ZMYM6: variants seen among roughly 807,000 people sequenced by gnomAD.
ZMYM6 encodes zinc finger MYM-type protein 6.
In ZMYM6, 90 loss-of-function variants were observed where a neutral mutation model predicts 134.0. The observed-to-expected ratio is 0.67, with a 90% confidence interval of 0.57 to 0.80. ZMYM6 has a LOEUF of 0.80. Ranked by LOEUF, ZMYM6 falls within the 30% of genes least tolerant of loss-of-function variation. The probability of loss-of-function intolerance (pLI) is 0.00; values close to 1 mark genes in which losing one functional copy is unlikely to be tolerated. For synonymous variants in ZMYM6, 481 were observed against 524.1 expected (o/e 0.92, Z 1.12); for missense variants, 1,362 against 1,533.9 (o/e 0.89, Z 1.87).
chr1:34,987,788 T>C lies in ZMYM6; in HGVS notation c.3294A>G (p.Ser1098=). The change falls in exon 16 of 16, where the codon TCA becomes TCG. Residue 1098 remains serine (S), a synonymous_variant. Coordinates refer to ENST00000357182, the MANE Select transcript of ZMYM6 (RefSeq NM_007167.4). The stretch of plus-strand genomic sequence containing the variant: ...CATCATGAAAATACTTGGCCAAATC[T>C]GAATGCTTTTGACTTAAAAATATTT... The part of the protein sequence containing the change: ...EIEIFLSQKH[S]DLAKYFHDEE... 1 of 1,551,486 alleles carries C rather than the reference T, an allele frequency of 6.4e-7. No homozygotes were observed. Among genetic ancestry groups the C allele is most frequent in the East Asian group, 2.4e-5 (1 of 40,912 alleles).
chr1:35,020,466 T>G lies in ZMYM6; in HGVS notation c.95A>C (p.Glu32Ala), dbSNP rs1474415545. 1 of 1,562,292 alleles carries G rather than the reference T, an allele frequency of 6.4e-7. No individual in the cohort carries two copies. Among genetic ancestry groups the G allele is most frequent in the South Asian group, 1.2e-5 (1 of 85,064 alleles). The change falls in exon 3 of 16, where the codon GAG becomes GCG. Residue 32 changes from glutamate (E) to alanine (A), a missense_variant and splice_region_variant. Coordinates refer to ENST00000357182, the MANE Select transcript of ZMYM6 (RefSeq NM_007167.4). ...KIKEEPDNAQ[E>A]YGCVQQPKTQ... Reference sequence around the variant, plus strand: ...TTTTGGCTGTTGGACACATCCATACTCCTTTAAAAAAAAAAAGAAAAGAGA... The same window carrying G: ...TTTTGGCTGTTGGACACATCCATACGCCTTTAAAAAAAAAAAGAAAAGAGA...
At chr1:35,031,441 T>C (rs1433703583) in intron 1 of ZMYM6, 2 of 152,264 alleles carry the variant, frequency 1.3e-5, no homozygotes, top group Admixed American at 6.5e-5. Context: ...CTCTTCAAAG[T>C]TGTCTTTATC....
chr1:34,995,880 C>G (rs945253102), intron 14 of ZMYM6, among the ~76,000 whole-genome samples: 6 of 152,168 alleles, frequency 3.9e-5, no homozygotes, highest in Non-Finnish European at 5.9e-5. Context: ...GAACCTTGCT[C>G]TTGTCACTTA....
intron 2 of ZMYM6, among the ~76,000 whole-genome samples, chr1:35,026,499 A>G (rs917097279): frequency 2.6e-5 from 4 of 152,216 alleles, no homozygotes; most frequent in African/African-American, 4.8e-5. Flanking sequence ...TCATGAAAAA[A>G]TATAGCCTAT....
At chr1:35,017,871 G>A (rs992601060) in intron 4 of ZMYM6, 3 of 152,048 alleles carry the variant, frequency 2.0e-5, no homozygotes, top group African/African-American at 7.2e-5. Flanking sequence ...GGATGTATAA[G>A]TTGTGTTATG....
chr1:35,027,364 G>A (rs911429143), intron 2 of ZMYM6, among the ~76,000 whole-genome samples: 5 of 152,192 alleles, frequency 3.3e-5, no homozygotes, highest in Non-Finnish European at 7.3e-5. Context: ...GATCTATACA[G>A]TACAATGGCA....
At chr1:35,002,921 A>C (rs1198980773) in intron 14 of ZMYM6, among the ~76,000 whole-genome samples, 1 of 152,094 alleles carries the variant, frequency 6.6e-6, no homozygotes, top group East Asian at 1.9e-4. Flanking sequence ...GCCTGTAATC[A>C]CAACAGCTTG....
chr1:35,006,202 T>C (rs1640963240), intron 12 of ZMYM6, among the ~76,000 whole-genome samples: 2 of 152,290 alleles, frequency 1.3e-5, no homozygotes, highest in East Asian at 1.9e-4. Context: ...GAGATGGGGT[T>C]TCACCATGTT....
chr1:35,020,101 C>T lies in ZMYM6; in HGVS notation c.178+282G>A, dbSNP rs1641278241. 3.9e-5 allele frequency among the ~76,000 whole-genome samples: 6 copies of T among 152,018 alleles called. No homozygotes were observed. In the South Asian group the frequency reaches 1.2e-3, roughly 31 times the overall value. ...AAGAAATACATTTAATATTATAACC[C>T]AGTTCTCACATACATATGTTTGTAA... On this transcript the variant is annotated intron_variant, in intron 3 of 15. Coordinates refer to ENST00000357182, the MANE Select transcript of ZMYM6 (RefSeq NM_007167.4).
intron 15 of ZMYM6, among the ~76,000 whole-genome samples, chr1:34,990,498 C>CA (rs904403887): frequency 4.0e-5 from 6 of 149,964 alleles, no homozygotes; most frequent in South Asian, 2.1e-4. Context: ...CAAAAACAAA[C>CA]AAAAAAAAAG....
chr1:35,030,793 G>A (rs1446475531), intron 1 of ZMYM6, 80 bp from the exon 2 acceptor site: 2 of 685,148 alleles, frequency 2.9e-6, no homozygotes, highest in Admixed American at 7.0e-5. Context: ...AGTGCATGAG[G>A]CTTCACGGCT....
Position 34,988,207 on chromosome 1 carries a change from C to T in ZMYM6, c.2875G>A (p.Glu959Lys). The T allele has an allele frequency of 6.5e-7, 1 of 1,548,052 alleles. No homozygotes were observed. Among genetic ancestry groups the T allele is most frequent in the East Asian group, 2.4e-5 (1 of 40,902 alleles). The change falls in exon 16 of 16, where the codon GAA becomes AAA. Residue 959 changes from glutamate to lysine, a missense_variant. Coordinates refer to ENST00000357182, the MANE Select transcript of ZMYM6 (RefSeq NM_007167.4). ...PTQITGFEIF[E>K]LINKYIDSKS... ...CTATCAATATATTTATTTATTAGTT[C>T]AAATATTTCAAAGCCAGTTATTTGA...
intron 14 of ZMYM6, among the ~76,000 whole-genome samples, chr1:35,000,570 C>T (rs985023312): frequency 2.0e-5 from 3 of 152,004 alleles, no homozygotes; most frequent in Non-Finnish European, 4.4e-5. Flanking sequence ...AACCTGGAAA[C>T]GATCTAATGT....
chr1:35,029,140 CA>C (rs1401294411), intron 2 of ZMYM6, among the ~76,000 whole-genome samples: 1 of 152,050 alleles, frequency 6.6e-6, no homozygotes, highest in Non-Finnish European at 1.5e-5. Context: ...TGCAGTGAGC[CA>C]CCAAGATTAC....
intron 4 of ZMYM6, among the ~76,000 whole-genome samples, chr1:35,015,951 T>C (rs529266737): frequency 0.21 from 29,383 of 142,986 alleles, 7,093 homozygotes; most frequent in African/African-American, 0.58. Context: ...CTTTCTTTTT[T>C]TTTTTTTTTT....
intron 14 of ZMYM6, among the ~76,000 whole-genome samples, chr1:35,000,935 C>A (rs946340123): frequency 6.6e-6 from 1 of 152,098 alleles, no homozygotes; most frequent in African/African-American, 2.4e-5. Flanking sequence ...CAAACTATGG[C>A]CTGTGCACCA....
intron 2 of ZMYM6, among the ~76,000 whole-genome samples, chr1:35,026,177 C>T (rs575350510): frequency 6.6e-6 from 1 of 152,154 alleles, no homozygotes; most frequent in South Asian, 2.1e-4. Context: ...CCCACCACCG[C>T]GCCCGGCTAA....
chr1:35,020,387 A>G lies in ZMYM6; in HGVS notation c.174T>C (p.Pro58=). Residue 58 remains proline (P), a synonymous_variant, in exon 3 of 16, where the codon CCT becomes CCC. Transcript: ENST00000357182. ...TTATACAGTTCCATTTCTTACCAAT[A>G]GGTCTCTCATTAACTGAAGACACAC... The part of the protein sequence containing the change: ...IGGVSSVNER[P]IAQQLNPGFQ... 6.2e-7 allele frequency: 1 copy of G among 1,605,026 alleles called. No individual in the cohort carries two copies. Among genetic ancestry groups the G allele is most frequent in the Non-Finnish European group, 8.5e-7 (1 of 1,177,286 alleles).
Position 35,008,860 on chromosome 1 carries a change from G to A in ZMYM6, c.1557C>T (p.Ser519=), listed in dbSNP as rs1187047138. The change falls in exon 11 of 16, where the codon AGC becomes AGT. Residue 519 remains serine, a synonymous_variant. Coordinates refer to ENST00000357182, the MANE Select transcript of ZMYM6 (RefSeq NM_007167.4). ...ERWGNYCKMC[S]YCSQTSPNLV... Reference sequence around the variant, plus strand: ...AATTTGGGGATGTCTGTGAACAGTAGCTGCACATCTTACAGTAGTTTCCCC... The same window carrying A: ...AATTTGGGGATGTCTGTGAACAGTAACTGCACATCTTACAGTAGTTTCCCC... 12 of 1,614,128 alleles carry A rather than the reference G, an allele frequency of 7.4e-6. No individual in the cohort carries two copies. The highest frequency in any genetic ancestry group is 1.6e-4 in the Middle Eastern group (1 of 6,062).
Sources: allele counts gnomAD v4.1 joint callset (sites outside exome capture counted in the v4.1 genomes callset), GRCh38; gene constraint gnomAD v4.1.1; transcripts MANE v1.5; gene names NCBI Gene and HGNC (gene_info 2026-07-23, HGNC 2026-07-21).